RBPJ: variants seen among roughly 807,000 people sequenced by gnomAD.
RBPJ encodes recombining binding protein suppressor of hairless.
In RBPJ, 9 loss-of-function variants were observed where a neutral mutation model predicts 67.8. That is an observed-to-expected ratio of 0.13 (90% CI 0.08 to 0.23). RBPJ has a LOEUF of 0.23. RBPJ is among the 10% of genes least tolerant of loss of function. The pLI, the probability that RBPJ is intolerant of heterozygous loss-of-function variation, is 1.00. For missense variants in RBPJ, 305 were observed against 595.6 expected, an observed-to-expected ratio of 0.51 and a Z score of 5.08; for synonymous variants, 198 against 203.3, an observed-to-expected ratio of 0.97 and a Z score of 0.22.
chr4:26,303,260 TATATGTAATCC>T (rs1446511782), intron 1 of RBPJ, among the ~76,000 whole-genome samples: 1 of 147,162 alleles, frequency 6.8e-6, no homozygotes, highest in Non-Finnish European at 1.5e-5. Flanking sequence ...ATATGAAATA[TATATGTAATCC>T]ATATGAAATA....
chr4:26,333,968 G>A (rs61575372), intron 1 of RBPJ, among the ~76,000 whole-genome samples: 2,531 of 152,038 alleles, frequency 0.017, 77 homozygotes, highest in African/African-American at 0.057. Context: ...TACATGGCTC[G>A]GACATAATTT....
At chr4:26,310,600 G>T (rs181896237) in intron 1 of RBPJ, among the ~76,000 whole-genome samples, 1 of 151,108 alleles carries the variant, frequency 6.6e-6, no homozygotes, top group East Asian at 1.9e-4. Context: ...TCTGAGTGGG[G>T]ATATGAGAAA....
intron 1 of RBPJ, among the ~76,000 whole-genome samples, chr4:26,295,437 C>A (rs949519956): frequency 6.6e-6 from 1 of 152,118 alleles, no homozygotes; most frequent in Non-Finnish European, 1.5e-5. Context: ...CATATTAGTG[C>A]CCAACTCTCT....
the RBPJ span, among the ~76,000 whole-genome samples, chr4:26,145,206 A>G: frequency 0.057 from 8,655 of 152,104 alleles, 327 homozygotes; most frequent in Middle Eastern, 0.099. Flanking sequence ...AAATTTTACA[A>G]CTATGCCTTC....
chr4:26,150,971 A>AG, the RBPJ span, among the ~76,000 whole-genome samples: 1 of 152,360 alleles, frequency 6.6e-6, no homozygotes, highest in Non-Finnish European at 1.5e-5. Flanking sequence ...TATACTGACA[A>AG]TGGAAAACAT....
chr4:26,345,866 G>T (rs1330635255), intron 1 of RBPJ, among the ~76,000 whole-genome samples: 1 of 152,186 alleles, frequency 6.6e-6, no homozygotes, highest in Non-Finnish European at 1.5e-5. Context: ...TATGTATGGG[G>T]AAGATTTTCA....
At chr4:26,362,385 A>G in intron 1 of RBPJ, 1 of 1,002,554 alleles carries the variant, frequency 1.0e-6, no homozygotes. Flanking sequence ...CAGTTAACAC[A>G]GTGCACTAGC....
intron 3 of RBPJ, among the ~76,000 whole-genome samples, chr4:26,407,986 C>CA (rs1392290740): frequency 1.4e-5 from 2 of 146,736 alleles, no homozygotes; most frequent in Non-Finnish European, 3.0e-5. Context: ...GTGGTCCTCC[C>CA]ACCTCAGCCA....
intron 1 of RBPJ, among the ~76,000 whole-genome samples, chr4:26,292,644 A>G (rs1243168079): frequency 6.7e-6 from 1 of 149,764 alleles, no homozygotes. Context: ...CTGGTCTCAA[A>G]CTCCTGACCT....
intron 1 of RBPJ, among the ~76,000 whole-genome samples, chr4:26,222,494 CAAAAAAAAAAA>C (rs35321984): frequency 1.7e-5 from 1 of 58,828 alleles, no homozygotes; most frequent in South Asian, 6.3e-4. Context: ...AACTCAATCT[CAAAAAAAAAAA>C]AAAAAAAAAG....
At chr4:26,249,555 G>A (rs1304671354) in intron 1 of RBPJ, among the ~76,000 whole-genome samples, 1 of 151,818 alleles carries the variant, frequency 6.6e-6, no homozygotes, top group Non-Finnish European at 1.5e-5. Flanking sequence ...CAGCTACTTG[G>A]GAGGCTGGGG....
the RBPJ span, among the ~76,000 whole-genome samples, chr4:26,115,357 A>C: frequency 6.6e-6 from 1 of 152,004 alleles, no homozygotes; most frequent in Non-Finnish European, 1.5e-5. Context: ...TCTAAATACT[A>C]TCACACTAGC....
chr4:26,109,928 C>G, the RBPJ span, among the ~76,000 whole-genome samples: 2 of 152,014 alleles, frequency 1.3e-5, no homozygotes, highest in Non-Finnish European at 2.9e-5. Flanking sequence ...CTTTGGCCCT[C>G]TTCTTCCCTA....
intron 1 of RBPJ, among the ~76,000 whole-genome samples, chr4:26,326,551 A>G (rs1236504413): frequency 6.6e-6 from 1 of 152,210 alleles, no homozygotes; most frequent in African/African-American, 2.4e-5. Context: ...TAATAAGTTG[A>G]TAATTTACAT....
the RBPJ span, among the ~76,000 whole-genome samples, chr4:26,148,310 G>A: frequency 6.6e-6 from 1 of 152,206 alleles, no homozygotes; most frequent in African/African-American, 2.4e-5. Flanking sequence ...CTCACAGGAG[G>A]AAATGTCAGG....
chr4:26,317,220 T>C (rs973850846), upstream of RBPJ, among the ~76,000 whole-genome samples: 3 of 151,652 alleles, frequency 2.0e-5, no homozygotes, highest in African/African-American at 4.8e-5. Flanking sequence ...ATAAGGAGTA[T>C]GGGAGTCCCT....
chr4:26,286,472 C>CAAAAAAA (rs57556548), intron 1 of RBPJ, among the ~76,000 whole-genome samples: 3 of 99,484 alleles, frequency 3.0e-5, no homozygotes, highest in Non-Finnish European at 5.8e-5. Context: ...GACCCTGCCT[C>CAAAAAAA]AAAAAAAAAA....
intron 1 of RBPJ, among the ~76,000 whole-genome samples, chr4:26,349,077 T>A: frequency 8.4e-6 from 1 of 118,400 alleles, no homozygotes; most frequent in Non-Finnish European, 1.9e-5. Context: ...CAAGTTTGTG[T>A]GTGTGTGTGT....
At chr4:26,315,144 C>CAA (rs60940172), upstream of RBPJ, among the ~76,000 whole-genome samples, 235 of 10,304 alleles carry the variant, frequency 0.023, 27 homozygotes, top group East Asian at 0.06. Context: ...GTCTCTGTCT[C>CAA]AAAAAAAAAA....
Sources: gnomAD v4.1 joint callset for allele counts (sites outside exome capture counted in the v4.1 genomes callset) on GRCh38, gnomAD v4.1.1 for gene constraint, MANE v1.5 for transcripts, NCBI Gene and HGNC (gene_info 2026-07-23, HGNC 2026-07-21) for gene names.